Variants in ELOVL5 observed in about 807,000 individuals in gnomAD.
ELOVL5 encodes ELOVL fatty acid elongase 5.
ELOVL5 carries 8 observed loss-of-function variants against 38.6 expected under a neutral mutation model. The observed-to-expected ratio is 0.21, with a 90% CI of 0.12 to 0.37. The LOEUF (loss-of-function observed/expected upper bound fraction) is 0.37. Among genes scored for constraint, ELOVL5 ranks in the 10% least tolerant of loss-of-function variants. ELOVL5 has a pLI of 1.00. For synonymous variants in ELOVL5, 127 were observed against 133.7 expected (o/e 0.95, Z 0.34); for missense variants, 280 against 367.8 (o/e 0.76, Z 1.95).
At chr6:53,307,410 CAT>C (rs1271133055) in intron 1 of ELOVL5, among the ~76,000 whole-genome samples, 5 of 152,134 alleles carry the variant, frequency 3.3e-5, no homozygotes, top group African/African-American at 1.2e-4. Context: ...TTAACTTCCT[CAT>C]GTGATTAAAT....
intron 1 of ELOVL5, among the ~76,000 whole-genome samples, chr6:53,347,619 A>G (rs2127597020): frequency 6.6e-6 from 1 of 152,274 alleles, no homozygotes; most frequent in East Asian, 1.9e-4. Context: ...CCCGCTATTT[A>G]AAACAAATTA....
intron 1 of ELOVL5, among the ~76,000 whole-genome samples, chr6:53,320,440 C>T (rs1323688804): frequency 6.6e-6 from 1 of 151,984 alleles, no homozygotes; most frequent in Non-Finnish European, 1.5e-5. Context: ...GGGTTCATGC[C>T]ATTCTCCTGC....
chr6:53,319,313 A>G (rs865789721), intron 1 of ELOVL5, among the ~76,000 whole-genome samples: 313 of 133,126 alleles, frequency 2.4e-3, no homozygotes, highest in African/African-American at 8.1e-3. Context: ...AAAAAAAAAA[A>G]AAAGAAAGAA....
At chr6:53,284,794 A>T (rs1169473029) in intron 3 of ELOVL5, among the ~76,000 whole-genome samples, 1 of 151,812 alleles carries the variant, frequency 6.6e-6, no homozygotes, top group African/African-American at 2.4e-5. Flanking sequence ...AATATTTCAA[A>T]TTTTTTCACT....
chr6:53,303,310 G>A (rs1409266461), intron 1 of ELOVL5, among the ~76,000 whole-genome samples: 1 of 152,098 alleles, frequency 6.6e-6, no homozygotes, highest in Non-Finnish European at 1.5e-5. Context: ...TTAAAGTGTT[G>A]GCATTTAAAT....
chr6:53,340,106 A>AT (rs923319500), intron 1 of ELOVL5, among the ~76,000 whole-genome samples: 8 of 151,762 alleles, frequency 5.3e-5, no homozygotes, highest in Non-Finnish European at 8.8e-5. Context: ...GAAATAAAAT[A>AT]TTTTTTTTGC....
At chr6:53,301,002 C>T (rs1668270879) in intron 1 of ELOVL5, among the ~76,000 whole-genome samples, 1 of 152,076 alleles carries the variant, frequency 6.6e-6, no homozygotes, top group African/African-American at 2.4e-5. Flanking sequence ...AATTCTTCAT[C>T]ACCAGGCTAG....
rs75237380 is a variant in ELOVL5, at chr6:53,294,195, G to A, written c.58+1447C>T. 7.5e-4 allele frequency: 1,104 copies of A among 1,466,934 alleles called. 8 individuals carry two copies. In the African/African-American group the frequency reaches 0.013, roughly 18 times the overall value. 90.9% of individuals were successfully genotyped at this position (1,466,934 alleles called of 1,614,324 possible). A position where few individuals can be genotyped will look rare whatever the true frequency, so the allele number is the denominator to read the frequency against. On this transcript the variant is annotated intron_variant, in intron 2 of 7. Coordinates refer to ENST00000304434, the MANE Select transcript of ELOVL5 (RefSeq NM_021814.5). ...CCTCCCACACCGCACAGTGCTTCCC[G>A]GGCACCTGACCCGAACTCCAGCCCC...
chr6:53,317,846 AAAT>A (rs1561884476), intron 1 of ELOVL5, among the ~76,000 whole-genome samples: 6 of 151,640 alleles, frequency 4.0e-5, no homozygotes, highest in African/African-American at 1.2e-4. Flanking sequence ...AAAAAAAATA[AAAT>A]AAAATAAAAT....
intron 3 of ELOVL5, chr6:53,277,050 A>G (rs1356438646): frequency 6.8e-6 from 1 of 146,766 alleles, no homozygotes; most frequent in African/African-American, 2.5e-5. Flanking sequence ...GCCCGTGATA[A>G]CTGCAGGGCT....
intron 7 of ELOVL5, among the ~76,000 whole-genome samples, chr6:53,270,020 G>GGT (rs1173263017): frequency 2.0e-5 from 3 of 152,222 alleles, no homozygotes; most frequent in Admixed American, 6.5e-5. Context: ...TCATCTGGGG[G>GGT]GTGACGCATG....
intron 6 of ELOVL5, among the ~76,000 whole-genome samples, chr6:53,272,517 A>G (rs1330389667): frequency 1.3e-5 from 2 of 152,232 alleles, no homozygotes; most frequent in African/African-American, 4.8e-5. Flanking sequence ...AACATGTGCT[A>G]AACACTTAGG....
In ELOVL5 at chr6:53,281,695, G is replaced by C. The variant is rs12194358; in HGVS notation, c.247-5439C>G. ...TACCTATTTCCTCTAGGGTTTAGTTGGCCAATTTTCGCAGTGCTATTAGGG... is the reference window on the plus strand; with the variant it reads ...TACCTATTTCCTCTAGGGTTTAGTTCGCCAATTTTCGCAGTGCTATTAGGG... On this transcript the variant is annotated intron_variant, in intron 3 of 7. Coordinates refer to ENST00000304434, the MANE Select transcript of ELOVL5 (RefSeq NM_021814.5). 4.1e-3 allele frequency among the ~76,000 whole-genome samples: 618 copies of C among 152,168 alleles called. 6 individuals carry two copies. The highest frequency in any genetic ancestry group is 5.4e-3 in the Non-Finnish European group (369 of 68,008).
At chr6:53,289,410 A>G (rs1223052660) in intron 3 of ELOVL5, among the ~76,000 whole-genome samples, 4 of 152,178 alleles carry the variant, frequency 2.6e-5, no homozygotes, top group South Asian at 4.1e-4. Context: ...TCAATGGAGT[A>G]GAAATGCTAA....
At chr6:53,339,174 A>C (rs966672165) in intron 1 of ELOVL5, among the ~76,000 whole-genome samples, 3 of 152,234 alleles carry the variant, frequency 2.0e-5, no homozygotes, top group African/African-American at 7.2e-5. Context: ...AGGGACACAC[A>C]GTCTAGCAAC....
chr6:53,335,122 C>T (rs1005042320), intron 1 of ELOVL5, among the ~76,000 whole-genome samples: 3 of 152,164 alleles, frequency 2.0e-5, no homozygotes, highest in African/African-American at 7.2e-5. Flanking sequence ...TCTCTTGATC[C>T]CCAAAGCCAC....
chr6:53,289,688 C>A (rs1236291907), intron 3 of ELOVL5, among the ~76,000 whole-genome samples: 1 of 152,186 alleles, frequency 6.6e-6, no homozygotes, highest in Non-Finnish European at 1.5e-5. Flanking sequence ...CCACTGCACT[C>A]CAGCCTGGGC....
chr6:53,318,727 G>T, intron 1 of ELOVL5, among the ~76,000 whole-genome samples: 1 of 152,040 alleles, frequency 6.6e-6, no homozygotes, highest in African/African-American at 2.4e-5. Context: ...GCAAAAAATT[G>T]AGACCCTGTC....
chr6:53,348,558 C>T (rs1332351287), intron 1 of ELOVL5, among the ~76,000 whole-genome samples: 1 of 152,176 alleles, frequency 6.6e-6, no homozygotes, highest in Non-Finnish European at 1.5e-5. Context: ...GAGCGCCCTG[C>T]CTCAGCCTCG....
Sources: gnomAD v4.1 joint callset for allele counts (sites outside exome capture counted in the v4.1 genomes callset) on GRCh38, gnomAD v4.1.1 for gene constraint, MANE v1.5 for transcripts, NCBI Gene and HGNC (gene_info 2026-07-23, HGNC 2026-07-21) for gene names.